The following FAM169A variants were observed in gnomAD, a reference collection of about 807,000 sequenced individuals.
FAM169A encodes the protein family with sequence similarity 169 member A.
Under a neutral mutation model 75.7 loss-of-function variants are expected in FAM169A, and 24 were observed. The ratio of observed to expected loss-of-function variants is 0.32; its 90% confidence interval spans 0.23 to 0.45. FAM169A has a LOEUF of 0.45. Ranked by LOEUF, FAM169A falls within the 20% of genes least tolerant of loss-of-function variation. The probability of loss-of-function intolerance (pLI) is 1.00; values close to 1 mark genes in which losing one functional copy is unlikely to be tolerated. For missense variants in FAM169A, 673 were observed against 784.0 expected (o/e 0.86, Z 1.69); for synonymous variants, 271 against 271.0 (o/e 1.00, Z 0.00).
intron 10 of FAM169A, among the ~76,000 whole-genome samples, chr5:74,796,422 C>T (rs1164695): frequency 0.76 from 103,547 of 136,538 alleles, 36,200 homozygotes; most frequent in Non-Finnish European, 0.78. Context: ...TTTTTTTTTT[C>T]CGAGATAAAG....
Position 74,783,996 on chromosome 5 carries a change from T to C in FAM169A, c.1261-862A>G, listed in dbSNP as rs189684912. Among the ~76,000 whole-genome samples, 81 of 152,218 alleles carry C rather than the reference T, an allele frequency of 5.3e-4. 1 individual carries two copies. Among genetic ancestry groups the C allele is most frequent in the African/African-American group, 1.9e-3 (78 of 41,556 alleles). ...TATAGTAAAAAATTTATTAAATTGT[T>C]CTAAAATAAAAATTGTCTATAAAAT... On this transcript the variant is annotated intron_variant, in intron 11 of 12. Transcript: ENST00000687041.
At chr5:74,818,337 G>C (rs377647761) in intron 5 of FAM169A, among the ~76,000 whole-genome samples, 1 of 152,122 alleles carries the variant, frequency 6.6e-6, no homozygotes, top group Non-Finnish European at 1.5e-5. Context: ...CCTGAAACTA[G>C]ATTAGTGGTT....
Position 74,834,355 on chromosome 5 carries a change from T to C in FAM169A, c.490+71A>G, listed in dbSNP as rs543641758. ...GCTAGAGATTAATTTAACAGAGATA[T>C]TGATACAGTTGGAGGGGTCTAAAAT... On this transcript the variant is annotated intron_variant, in intron 5 of 12. Transcript: ENST00000687041. 47 of 868,846 alleles carry C rather than the reference T, an allele frequency of 5.4e-5. No individual in the cohort carries two copies. In the Middle Eastern group the frequency reaches 1.5e-3, roughly 27 times the overall value. 53.8% of individuals were successfully genotyped at this position (868,846 alleles called of 1,614,324 possible). A position where few individuals can be genotyped will look rare whatever the true frequency, so the allele number is the denominator to read the frequency against.
rs1268818871 is a variant in FAM169A at position 74,780,158 on chromosome 5, G to A, written c.*1302C>T. On this transcript the variant is annotated 3_prime_UTR_variant, in exon 13 of 13. Transcript: ENST00000687041. ...CAAATTTTCCTAGGCCTTTGTTATGGCAACACAATATATACTTAACAGGCC... is the reference window on the plus strand; with the variant it reads ...CAAATTTTCCTAGGCCTTTGTTATGACAACACAATATATACTTAACAGGCC... 2.0e-5 allele frequency: 3 copies of A among 151,784 alleles called. No individual in the cohort carries two copies. The highest frequency in any genetic ancestry group is 1.3e-4 in the Admixed American group (2 of 15,232). The allele number at this position is 151,784 out of a possible 1,614,324, so 9.4% of individuals were successfully genotyped here.
intron 1 of FAM169A, among the ~76,000 whole-genome samples, chr5:74,842,420 C>CAAAAAAAAAAAAAAAAAAAAAAAA (rs56653446): frequency 4.5e-5 from 1 of 22,462 alleles, no homozygotes; most frequent in Non-Finnish European, 7.7e-5. Flanking sequence ...GACTCTATCA[C>CAAAAAAAAAAAAAAAAAAAAAAAA]AAAAAAAAAA....
chr5:74,819,645 A>C (rs1460547448), intron 5 of FAM169A, among the ~76,000 whole-genome samples: 1 of 152,240 alleles, frequency 6.6e-6, no homozygotes, highest in African/African-American at 2.4e-5. Flanking sequence ...GACAAAAAAC[A>C]GAAACAACCC....
intron 2 of FAM169A, among the ~76,000 whole-genome samples, chr5:74,841,327 T>C (rs1183925828): frequency 3.3e-5 from 5 of 152,190 alleles, no homozygotes; most frequent in Non-Finnish European, 5.9e-5. Context: ...TATTCTCACA[T>C]ATAATTTTAA....
intron 1 of FAM169A, 123 bp from the exon 2 acceptor site, chr5:74,841,802 T>G: frequency 1.2e-6 from 1 of 829,428 alleles, no homozygotes; most frequent in Non-Finnish European, 1.8e-6. Flanking sequence ...TCTGTTTCAC[T>G]TTGCCCGCAG....
chr5:74,781,710 T>C lies in FAM169A; in HGVS notation c.1763A>G (p.Gln588Arg), dbSNP rs1252973437. ...EPQETSTALP[Q>R]SSLIEVELED... ...AAGTTCAACCTCTATCAAAGAACTC[T>C]GAGGAAGAGCAGTAGATGTTTCCTG... Residue 588 changes from glutamine (Q) to arginine (R), a missense_variant, in exon 13 of 13, where the codon CAG becomes CGG. By Grantham distance (43) the Gln-to-Arg change is conservative (BLOSUM62 1). Around this residue, in one of 3 missense-constraint regions of FAM169A, gnomAD observed 510 missense variants for 550.9 expected, o/e 0.93. Coordinates refer to ENST00000687041, the MANE Select transcript of FAM169A (RefSeq NM_001376049.1). 1 of 1,614,192 alleles carries C rather than the reference T, an allele frequency of 6.2e-7. No individual in the cohort carries two copies. The highest frequency in any genetic ancestry group is 1.7e-5 in the Admixed American group (1 of 60,034).
In FAM169A at chr5:74,781,224, A is replaced by G. The variant is rs940713920; in HGVS notation, c.*236T>C. 1.1e-4 allele frequency: 52 copies of G among 465,668 alleles called. No homozygotes were observed. The highest frequency in any genetic ancestry group is 1.6e-4 in the Non-Finnish European group (42 of 264,204). 28.8% of individuals were successfully genotyped at this position (465,668 alleles called of 1,614,324 possible). On this transcript the variant is annotated 3_prime_UTR_variant, in exon 13 of 13. Transcript: ENST00000687041. Reference sequence around the variant, plus strand: ...ATATAATATGATCTGGTTTCCCAAAATTGAAACATGGTTAATAAAAATAAA... The same window carrying G: ...ATATAATATGATCTGGTTTCCCAAAGTTGAAACATGGTTAATAAAAATAAA...
chr5:74,828,655 C>T (rs539287707), intron 5 of FAM169A, among the ~76,000 whole-genome samples: 1 of 152,304 alleles, frequency 6.6e-6, no homozygotes, highest in East Asian at 1.9e-4. Context: ...TTTAAAGGTT[C>T]TAAAATATAA....
At chr5:74,815,552 T>C (rs1364465430) in intron 5 of FAM169A, among the ~76,000 whole-genome samples, 1 of 152,162 alleles carries the variant, frequency 6.6e-6, no homozygotes, top group Admixed American at 6.6e-5. Flanking sequence ...CTTGTACAAA[T>C]CTAACAAGTA....
At chr5:74,784,923 A>C (rs1745618583) in intron 11 of FAM169A, among the ~76,000 whole-genome samples, 1 of 150,496 alleles carries the variant, frequency 6.6e-6, no homozygotes, top group Non-Finnish European at 1.5e-5. Context: ...CGTCTCAAAA[A>C]AAAAAAAAAA....
chr5:74,805,597 C>G (rs969238658), intron 6 of FAM169A, among the ~76,000 whole-genome samples: 3 of 131,794 alleles, frequency 2.3e-5, no homozygotes, highest in Non-Finnish European at 4.6e-5. Flanking sequence ...GTGGCGCGAT[C>G]TCGGCTCACT....
chr5:74,827,121 C>T (rs2112624818), intron 5 of FAM169A, among the ~76,000 whole-genome samples: 1 of 152,210 alleles, frequency 6.6e-6, no homozygotes, highest in African/African-American at 2.4e-5. Context: ...GTTGATATGT[C>T]TTATTACTAG....
At chr5:74,802,197 G>T (rs1279065872) in intron 8 of FAM169A, among the ~76,000 whole-genome samples, 3 of 152,042 alleles carry the variant, frequency 2.0e-5, no homozygotes, top group African/African-American at 7.2e-5. Context: ...AATTTTAACT[G>T]AAGAATCTCT....
At chr5:74,862,718 TA>T (rs1750100776) in intron 1 of FAM169A, among the ~76,000 whole-genome samples, 1 of 152,234 alleles carries the variant, frequency 6.6e-6, no homozygotes, top group African/African-American at 2.4e-5. Flanking sequence ...AAACTAATTC[TA>T]TACCTGAGAA....
chr5:74,821,067 C>T (rs1396962296), intron 5 of FAM169A, among the ~76,000 whole-genome samples: 2 of 152,134 alleles, frequency 1.3e-5, no homozygotes, highest in African/African-American at 4.8e-5. Context: ...ACCTGCTGTC[C>T]CACACGTTCT....
At chr5:74,854,381 C>G (rs1249377187) in intron 1 of FAM169A, among the ~76,000 whole-genome samples, 1 of 148,918 alleles carries the variant, frequency 6.7e-6, no homozygotes, top group African/African-American at 2.5e-5. Context: ...GGTGACACAG[C>G]GAGACTCCAT....
Sources: gnomAD v4.1 joint callset for allele counts (sites outside exome capture counted in the v4.1 genomes callset) on GRCh38, gnomAD v4.1.1 for gene constraint, gnomAD v4.1.1 regional missense constraint, MANE v1.5 for transcripts, NCBI Gene and HGNC (gene_info 2026-07-23, HGNC 2026-07-21) for gene names.